STARD6: variants seen among roughly 807,000 people sequenced by gnomAD.
The protein encoded by STARD6 is StAR related lipid transfer domain containing 6.
STARD6 carries 21 observed loss-of-function variants against 22.3 expected under a neutral mutation model. The observed-to-expected ratio is 0.94, with a 90% CI of 0.67 to 1.35. STARD6 has a LOEUF of 1.35. Among genes scored for constraint, STARD6 ranks in the 40% most tolerant of loss-of-function variants. STARD6 has a pLI of 0.00. For missense variants in STARD6, 269 were observed against 266.9 expected (o/e 1.01, Z -0.05); for synonymous variants, 80 against 88.1 (o/e 0.91, Z 0.52).
At chr18:54,355,528 C>T (rs1242004565) in intron 2 of STARD6, among the ~76,000 whole-genome samples, 1 of 152,106 alleles carries the variant, frequency 6.6e-6, no homozygotes, top group Non-Finnish European at 1.5e-5. Flanking sequence ...AGCTCAATGG[C>T]CCCTTCTTCC....
intron 4 of STARD6, among the ~76,000 whole-genome samples, chr18:54,341,182 G>A (rs1568170680): frequency 6.6e-6 from 1 of 151,404 alleles, no homozygotes; most frequent in Non-Finnish European, 1.5e-5. Flanking sequence ...GCCTCAGCCT[G>A]CCAAGTAGCT....
At chr18:54,332,544 C>T (rs1208325036) in intron 5 of STARD6, among the ~76,000 whole-genome samples, 2 of 152,208 alleles carry the variant, frequency 1.3e-5, no homozygotes, top group Admixed American at 1.3e-4. Context: ...CAAAGGCTAC[C>T]TCCCACAGCC....
chr18:54,336,642 T>C (rs2144674785), intron 5 of STARD6, among the ~76,000 whole-genome samples: 1 of 152,306 alleles, frequency 6.6e-6, no homozygotes, highest in South Asian at 2.1e-4. Context: ...GTGAGTGAGT[T>C]CTCACGAGGT....
chr18:54,344,917 A>T (rs896364718), intron 4 of STARD6, among the ~76,000 whole-genome samples: 4 of 152,244 alleles, frequency 2.6e-5, no homozygotes, highest in Non-Finnish European at 5.9e-5. Context: ...AAGGGCACCT[A>T]TGAAAAATCC....
chr18:54,342,519 G>A (rs2088981830), intron 4 of STARD6, among the ~76,000 whole-genome samples: 1 of 141,560 alleles, frequency 7.1e-6, no homozygotes, highest in Non-Finnish European at 1.5e-5. Context: ...CCTCTCATGC[G>A]GAGCCGAAGC....
At chr18:54,329,251 G>T in intron 7 of STARD6, 96 bp downstream of exon 7, 2 of 936,042 alleles carry the variant, frequency 2.1e-6, no homozygotes, top group Non-Finnish European at 3.2e-6. Flanking sequence ...AGAATATGCT[G>T]CTACATATTT....
At chr18:54,329,953 A>G (rs1462091163) in intron 6 of STARD6, among the ~76,000 whole-genome samples, 1 of 151,826 alleles carries the variant, frequency 6.6e-6, no homozygotes, top group Non-Finnish European at 1.5e-5. Context: ...TCCTTCTGCA[A>G]TTCCCTGTAG....
At chr18:54,349,762 T>G (rs2089077260) in intron 4 of STARD6, among the ~76,000 whole-genome samples, 1 of 152,216 alleles carries the variant, frequency 6.6e-6, no homozygotes, top group African/African-American at 2.4e-5. Flanking sequence ...ATGTTTGGTT[T>G]TCCATTCCTG....
chr18:54,347,322 T>G (rs2089046282), intron 4 of STARD6, among the ~76,000 whole-genome samples: 1 of 152,116 alleles, frequency 6.6e-6, no homozygotes, highest in African/African-American at 2.4e-5. Context: ...TCTTTTATTC[T>G]CAACTTGTAT....
chr18:54,348,511 T>C (rs2089060398), intron 4 of STARD6, among the ~76,000 whole-genome samples: 1 of 152,164 alleles, frequency 6.6e-6, no homozygotes, highest in African/African-American at 2.4e-5. Context: ...AGTCTTGGTG[T>C]CTAAGTTTTT....
intron 4 of STARD6, among the ~76,000 whole-genome samples, chr18:54,351,251 T>C (rs188503571): frequency 6.6e-6 from 1 of 152,144 alleles, no homozygotes; most frequent in African/African-American, 2.4e-5. Context: ...GAAAAAGGGG[T>C]TGAATTCTTT....
intron 4 of STARD6, among the ~76,000 whole-genome samples, chr18:54,346,461 G>A (rs568784749): frequency 6.6e-6 from 1 of 151,876 alleles, no homozygotes; most frequent in African/African-American, 2.4e-5. Context: ...CTGCTGTTAG[G>A]AATATAAAAC....
chr18:54,324,687 T>G lies in STARD6; in HGVS notation c.*5A>C, dbSNP rs1423419036. On this transcript the variant is annotated 3_prime_UTR_variant, in exon 8 of 8. Coordinates refer to ENST00000307844, the MANE Select transcript of STARD6 (RefSeq NM_139171.2). Reference sequence around the variant, plus strand: ...AGCAGAACGGCCTCATTTCTTCTTTTGGTATCATGAATGACTATTATGATG... The same window carrying G: ...AGCAGAACGGCCTCATTTCTTCTTTGGGTATCATGAATGACTATTATGATG... The G allele has an allele frequency of 6.2e-7, 1 of 1,611,726 alleles. No homozygotes were observed. The highest frequency in any genetic ancestry group is 1.3e-5 in the African/African-American group (1 of 74,776).
At chr18:54,334,008 A>T (rs1332307352) in intron 5 of STARD6, among the ~76,000 whole-genome samples, 1 of 152,204 alleles carries the variant, frequency 6.6e-6, no homozygotes, top group Non-Finnish European at 1.5e-5. Flanking sequence ...CTCATTTTTA[A>T]AAACAGCTTA....
At position 54,349,959 on chromosome 18, in the gene STARD6, C is replaced by CT. The variant is rs748794515; in HGVS notation, c.140+4094dup. Among the ~76,000 whole-genome samples, 14 of 152,234 alleles carry CT rather than the reference C, an allele frequency of 9.2e-5. No homozygotes were observed. The East Asian group carries it at 1.2e-3, about 13-fold the overall frequency. On this transcript the variant is annotated intron_variant, in intron 4 of 7. Transcript: ENST00000307844. The stretch of plus-strand genomic sequence containing the variant: ...CCTATAAGCATGTGTGTGCATGTGT[C>CT]TTTTTCATATAATGACTTCTTTTCC...
intron 4 of STARD6, among the ~76,000 whole-genome samples, chr18:54,340,105 A>ATG (rs2088956774): frequency 1.3e-5 from 2 of 152,162 alleles, no homozygotes; most frequent in Non-Finnish European, 2.9e-5. Flanking sequence ...ACGGATATAT[A>ATG]TGTGTATTTA....
chr18:54,328,189 AC>A (rs2144664511), intron 7 of STARD6, among the ~76,000 whole-genome samples: 1 of 152,284 alleles, frequency 6.6e-6, no homozygotes, highest in South Asian at 2.1e-4. Flanking sequence ...AAATGGGGGA[AC>A]TACTGTCCTT....
chr18:54,357,724 G>T (rs1427432105), intron 1 of STARD6, 68 bp downstream of exon 1: 1 of 152,692 alleles, frequency 6.5e-6, no homozygotes, highest in Non-Finnish European at 1.5e-5. Context: ...AAGGGCGTGG[G>T]GGGCAGCGAC....
chr18:54,350,753 T>A (rs2089088128), intron 4 of STARD6, among the ~76,000 whole-genome samples: 1 of 152,186 alleles, frequency 6.6e-6, no homozygotes, highest in African/African-American at 2.4e-5. Flanking sequence ...CTTTCCCCAC[T>A]TTATGTTTTT....
Sources: gnomAD v4.1 joint callset for allele counts (sites outside exome capture counted in the v4.1 genomes callset) on GRCh38, gnomAD v4.1.1 for gene constraint, MANE v1.5 for transcripts, NCBI Gene and HGNC (gene_info 2026-07-23, HGNC 2026-07-21) for gene names.